SUPT5H: variants seen among roughly 807,000 people sequenced by gnomAD.
The protein encoded by SUPT5H is SPT5 homolog, DSIF elongation factor subunit.
Under a neutral mutation model 142.5 loss-of-function variants are expected in SUPT5H, and 24 were observed. That is an observed-to-expected ratio of 0.17 (90% CI 0.12 to 0.24). The LOEUF is 0.24. Among genes scored for constraint, SUPT5H ranks in the 10% least tolerant of loss-of-function variants. The pLI is 1.00. For missense variants in SUPT5H, 893 were observed against 1,471.8 expected, an observed-to-expected ratio of 0.61 and a Z score of 6.43; for synonymous variants, 546 against 553.0, an observed-to-expected ratio of 0.99 and a Z score of 0.18.
At chr19:39,457,610 C>A in intron 3 of SUPT5H, 65 bp from the exon 4 acceptor site, 1 of 1,582,688 alleles carries the variant, frequency 6.3e-7, no homozygotes, top group South Asian at 1.2e-5. Flanking sequence ...AGAGGAGATG[C>A]TTCGTGTCCT....
At chr19:39,451,440 C>T (rs749512750) in intron 2 of SUPT5H, among the ~76,000 whole-genome samples, 5 of 151,858 alleles carry the variant, frequency 3.3e-5, no homozygotes, top group African/African-American at 4.8e-5. Flanking sequence ...AGGTGATCCG[C>T]GCGAGCCACC....
rs757027268 is a variant in SUPT5H, at chr19:39,471,697, G to A, written c.1917G>A (p.Lys639=). 3 of 1,614,170 alleles carry A rather than the reference G, an allele frequency of 1.9e-6. No individual in the cohort carries two copies. The highest frequency in any genetic ancestry group is 2.5e-6 in the Non-Finnish European group (3 of 1,180,024). The change falls in exon 20 of 30, where the codon AAG becomes AAA. Residue 639 remains lysine, a synonymous_variant. Coordinates refer to ENST00000432763, the MANE Select transcript of SUPT5H (RefSeq NM_001111020.3). ...AGAACGGGGGCATGTTTGTCTGCAA[G>A]ACCCGCCACCTGGTGCTGGCTGGGG... ...LVENGGMFVC[K]TRHLVLAGGS...
chr19:39,446,248 CTA>C (rs1419449191), intron 2 of SUPT5H, among the ~76,000 whole-genome samples: 6 of 151,646 alleles, frequency 4.0e-5, no homozygotes, highest in African/African-American at 1.5e-4. Context: ...TTAGTTATGT[CTA>C]GTCATTCCAT....
chr19:39,463,184 T>C (rs1221137748), intron 10 of SUPT5H, among the ~76,000 whole-genome samples: 3 of 151,496 alleles, frequency 2.0e-5, no homozygotes, highest in East Asian at 3.9e-4. Context: ...GTATTTTTAG[T>C]AGAGGCAAGG....
At position 39,467,035 on chromosome 19, in the gene SUPT5H, C is replaced by T. The variant is rs747848204; in HGVS notation, c.1037+290C>T. Reference sequence around the variant, plus strand: ...CAGCCTGGGCAACATAATGAGATCCCATCTTTTAAAATAATAATAATAATA... The same window carrying T: ...CAGCCTGGGCAACATAATGAGATCCTATCTTTTAAAATAATAATAATAATA... On this transcript the variant is annotated intron_variant, in intron 13 of 29. Transcript: ENST00000432763. 446 of 294,798 alleles carry T rather than the reference C, an allele frequency of 1.5e-3. 5 individuals are homozygous for T. Among genetic ancestry groups the T allele is most frequent in the Middle Eastern group, 2.0e-3 (2 of 984 alleles). The allele number at this position is 294,798 out of a possible 1,614,324, so 18.3% of individuals were successfully genotyped here.
chr19:39,469,817 A>G lies in SUPT5H; in HGVS notation c.1375-302A>G. The G allele has an allele frequency of 2.1e-6, 1 of 470,316 alleles. No individual in the cohort carries two copies. Among genetic ancestry groups the G allele is most frequent in the Non-Finnish European group, 3.9e-6 (1 of 259,156 alleles). The allele number at this position is 470,316 out of a possible 1,614,324, so 29.1% of individuals were successfully genotyped here. ...AGGCTGTCTCCGGGTGGGGCTGAGG[A>G]GCTGTCCAGTCGGGGGTCCTGTGTC... On this transcript the variant is annotated intron_variant, in intron 16 of 29. Transcript: ENST00000432763. The surrounding 1 kb of genome is among the most constrained non-coding windows in gnomAD (Gnocchi z 5.1).
chr19:39,453,603 G>C, intron 3 of SUPT5H, 82 bp downstream of exon 3: 1 of 1,415,716 alleles, frequency 7.1e-7, no homozygotes, highest in Non-Finnish European at 9.3e-7. Context: ...TTTTGAGGCG[G>C]AGTCTCGCTC....
rs760779258 is a variant in SUPT5H, at chr19:39,469,925, G to A, written c.1375-194G>A. ...TGGGGTAAAGGTTGTCCAGGTTGGT[G>A]TCCTGTGTCTGGGGTCAGCTGTTTC... is the stretch of plus-strand genomic sequence containing the variant. On this transcript the variant is annotated intron_variant, in intron 16 of 29. Transcript: ENST00000432763. This position sits in a 1 kb window ranked among gnomAD's most constrained non-coding sequence, Gnocchi z 5.1. 1.5e-6 allele frequency: 1 copy of A among 661,616 alleles called. No individual in the cohort carries two copies. Among genetic ancestry groups the A allele is most frequent in the South Asian group, 1.9e-5 (1 of 51,748 alleles). 41.0% of individuals were successfully genotyped at this position (661,616 alleles called of 1,614,324 possible).
chr19:39,474,115 C>A lies in SUPT5H; in HGVS notation c.2645C>A (p.Pro882Gln), dbSNP rs369717101. The A allele has an allele frequency of 6.3e-7, 1 of 1,599,160 alleles. No individual in the cohort carries two copies. Among genetic ancestry groups the A allele is most frequent in the Non-Finnish European group, 8.5e-7 (1 of 1,171,190 alleles). The part of the protein sequence containing the change: ...PQYNPQTPGT[P>Q]AMYNTDQFSP... Reference sequence around the variant, plus strand: ...TACAACCCGCAGACGCCAGGGACGCCGGCCATGTGAGTCCACTGGGGCCTG... The same window carrying A: ...TACAACCCGCAGACGCCAGGGACGCAGGCCATGTGAGTCCACTGGGGCCTG... Residue 882 changes from proline to glutamine, a missense_variant, in exon 26 of 30, where the codon CCG becomes CAG. Pro to Gln is a moderately conservative substitution (Grantham distance 76). This residue lies in a region of SUPT5H where 336 missense variants were observed against 546.5 expected (regional missense o/e 0.61). Transcript: ENST00000432763. The surrounding 1 kb of genome is among the most constrained non-coding windows in gnomAD (Gnocchi z 6.5).
chr19:39,473,598 G>A lies in SUPT5H; in HGVS notation c.2492+77G>A. 3 of 1,456,958 alleles carry A rather than the reference G, an allele frequency of 2.1e-6. No individual in the cohort carries two copies. The highest frequency in any genetic ancestry group is 2.1e-4 in the Middle Eastern group (1 of 4,668). The allele number at this position is 1,456,958 out of a possible 1,614,324, so 90.3% of individuals were successfully genotyped here. ...GATGCTGGGTGTCTGGGGCATTGGAGGGGTTTGTGGGGCCCACCCAGCATT... is the reference window on the plus strand; with the variant it reads ...GATGCTGGGTGTCTGGGGCATTGGAAGGGTTTGTGGGGCCCACCCAGCATT... On this transcript the variant is annotated intron_variant, in intron 25 of 29. Transcript: ENST00000432763. The surrounding 1 kb of genome is among the most constrained non-coding windows in gnomAD (Gnocchi z 5.8).
At position 39,473,617 on chromosome 19, in the gene SUPT5H, C is replaced by A; in HGVS notation, c.2492+96C>A. ...ATTGGAGGGGTTTGTGGGGCCCACC[C>A]AGCATTCTCTGCTCCTAGCCTCAGG... On this transcript the variant is annotated intron_variant, in intron 25 of 29. Coordinates refer to ENST00000432763, the MANE Select transcript of SUPT5H (RefSeq NM_001111020.3). This position sits in a 1 kb window ranked among gnomAD's most constrained non-coding sequence, Gnocchi z 5.8. 7.5e-7 allele frequency: 1 copy of A among 1,331,498 alleles called. No homozygotes were observed. The highest frequency in any genetic ancestry group is 1.0e-6 in the Non-Finnish European group (1 of 975,218). The allele number at this position is 1,331,498 out of a possible 1,614,324, so 82.5% of individuals were successfully genotyped here.
At chr19:39,457,587 G>C in intron 3 of SUPT5H, 88 bp from the exon 4 acceptor site, 1 of 1,562,680 alleles carries the variant, frequency 6.4e-7, no homozygotes, top group Non-Finnish European at 8.7e-7. Context: ...GGGATTTGTA[G>C]TGCACATCTC....
intron 3 of SUPT5H, among the ~76,000 whole-genome samples, chr19:39,456,772 C>A (rs527790578): frequency 1.3e-5 from 2 of 151,978 alleles, no homozygotes; most frequent in South Asian, 4.1e-4. Flanking sequence ...TTGCCCAGGC[C>A]GGTTTCAAAC....
intron 7 of SUPT5H, 53 bp downstream of exon 7, chr19:39,459,126 G>A (rs1291140486): frequency 8.1e-6 from 13 of 1,613,438 alleles, no homozygotes; most frequent in Non-Finnish European, 1.0e-5. Context: ...TCCCTAAGCG[G>A]GAAGGGGCGG....
intron 10 of SUPT5H, among the ~76,000 whole-genome samples, chr19:39,460,832 C>T (rs1422895172): frequency 1.3e-5 from 2 of 152,124 alleles, no homozygotes; most frequent in African/African-American, 4.8e-5. Context: ...CCAGGGCAAA[C>T]GCTATGAAGG....
chr19:39,465,395 G>A (rs10425873), intron 11 of SUPT5H, among the ~76,000 whole-genome samples: 1,761 of 152,282 alleles, frequency 0.012, 49 homozygotes, highest in African/African-American at 0.04. Flanking sequence ...GAGGGCCTGC[G>A]GCCCATTGGA....
chr19:39,476,223 C>T, intron 29 of SUPT5H, 33 bp from the exon 30 acceptor site: 1 of 1,614,090 alleles, frequency 6.2e-7, no homozygotes, highest in Non-Finnish European at 8.5e-7. Context: ...TGGGTGCTGA[C>T]ATGGACCCTG....
At chr19:39,455,256 G>A (rs890355378) in intron 3 of SUPT5H, among the ~76,000 whole-genome samples, 2 of 152,030 alleles carry the variant, frequency 1.3e-5, no homozygotes, top group African/African-American at 4.8e-5. Flanking sequence ...GGTACAGAAC[G>A]GTGTGTTAAA....
chr19:39,471,428 T>G lies in SUPT5H; in HGVS notation c.1749T>G (p.Phe583Leu). 6.2e-7 allele frequency: 1 copy of G among 1,614,250 alleles called. No homozygotes were observed. The highest frequency in any genetic ancestry group is 1.1e-5 in the South Asian group (1 of 91,092). Residue 583 changes from phenylalanine to leucine, a missense_variant, in exon 19 of 30, where the codon TTT becomes TTG. Coordinates refer to ENST00000432763, the MANE Select transcript of SUPT5H (RefSeq NM_001111020.3). ...TGACCCGGAAGAAGGACAACCGCTT[T>G]GCTGTGGCCTTGGACTCAGAGCAGA... The part of the protein sequence containing the change: ...QAVTRKKDNR[F>L]AVALDSEQNN...
Sources: gnomAD v4.1 joint callset for allele counts (sites outside exome capture counted in the v4.1 genomes callset) on GRCh38, gnomAD v4.1.1 for gene constraint, gnomAD v4.1.1 regional missense constraint, Gnocchi (gnomAD v3.1) non-coding constraint, MANE v1.5 for transcripts, NCBI Gene and HGNC (gene_info 2026-07-23, HGNC 2026-07-21) for gene names.